Variants in USP32 observed in about 807,000 individuals in gnomAD.
USP32 encodes the protein ubiquitin specific peptidase 32.
Under a neutral mutation model 204.8 loss-of-function variants are expected in USP32, and 59 were observed. The observed-to-expected ratio is 0.29, with a 90% CI of 0.23 to 0.36. USP32 has a LOEUF of 0.36. USP32 is among the 10% of genes least tolerant of loss of function. USP32 has a pLI of 1.00. For synonymous variants in USP32, 517 were observed against 678.4 expected (o/e 0.76, Z 3.70); for missense variants, 1,160 against 1,946.4 (o/e 0.60, Z 7.60).
intron 11 of USP32, among the ~76,000 whole-genome samples, chr17:60,248,810 C>T (rs1165901610): frequency 6.6e-6 from 1 of 152,152 alleles, no homozygotes; most frequent in Non-Finnish European, 1.5e-5. Context: ...CTGCTGCCAC[C>T]TCTGAGACAG....
chr17:60,210,950 A>G, intron 21 of USP32, 63 bp downstream of exon 21: 1 of 1,528,568 alleles, frequency 6.5e-7, no homozygotes, highest in Non-Finnish European at 8.8e-7. Flanking sequence ...AAAAACAAGC[A>G]GAGAAAAATG....
chr17:60,281,529 C>T (rs948432050), intron 5 of USP32, among the ~76,000 whole-genome samples: 7 of 150,510 alleles, frequency 4.7e-5, no homozygotes, highest in South Asian at 2.1e-4. Flanking sequence ...GAGTGAGACT[C>T]CGTCTCAAAA....
chr17:60,281,826 A>G (rs928294460), intron 5 of USP32, among the ~76,000 whole-genome samples: 2 of 152,172 alleles, frequency 1.3e-5, no homozygotes, highest in African/African-American at 4.8e-5. Flanking sequence ...ATCACCCTGG[A>G]GGTCTGTAAA....
At chr17:60,362,767 T>A (rs546673372) in intron 1 of USP32, among the ~76,000 whole-genome samples, 3 of 152,246 alleles carry the variant, frequency 2.0e-5, no homozygotes, top group African/African-American at 4.8e-5. Context: ...TCTGAAGCTA[T>A]CAAAAATGTG....
chr17:60,191,842 T>C (rs1357257097), intron 28 of USP32, among the ~76,000 whole-genome samples: 1 of 152,106 alleles, frequency 6.6e-6, no homozygotes, highest in Non-Finnish European at 1.5e-5. Flanking sequence ...GCTAAGTCTA[T>C]TGCAGTTCTC....
chr17:60,398,459 G>A (rs924023282), intron 1 of USP32, among the ~76,000 whole-genome samples: 37 of 152,068 alleles, frequency 2.4e-4, no homozygotes, highest in African/African-American at 8.7e-4. Context: ...TGTTCTGGCC[G>A]GAGGGAAGCA....
Position 60,292,829 on chromosome 17 carries a change from C to A in USP32, c.411+1854G>T, listed in dbSNP as rs555922743. 1.6e-4 allele frequency among the ~76,000 whole-genome samples: 25 copies of A among 151,878 alleles called. 1 individual carries two copies. The East Asian group carries it at 4.8e-3, about 29-fold the overall frequency. ...TTGTTACTCCTCTACTCAAAACCTT[C>A]CAGTGGTTTCTATCTCACTCAGGGT... On this transcript the variant is annotated intron_variant, in intron 4 of 33. Coordinates refer to ENST00000300896, the MANE Select transcript of USP32 (RefSeq NM_032582.4).
At chr17:60,339,060 C>T (rs2088592777) in intron 2 of USP32, among the ~76,000 whole-genome samples, 1 of 151,734 alleles carries the variant, frequency 6.6e-6, no homozygotes, top group Admixed American at 6.6e-5. Context: ...CAGGAGCCCG[C>T]CACCACGCCC....
rs988475398 is a variant in USP32, at chr17:60,284,267, G to A, written c.571+4256C>T. Among the ~76,000 whole-genome samples, 194 of 148,602 alleles carry A rather than the reference G, an allele frequency of 1.3e-3. 1 individual carries two copies. Among genetic ancestry groups the A allele is most frequent in the African/African-American group, 4.5e-3 (182 of 40,212 alleles). Reference sequence around the variant, plus strand: ...CTCGCCCTGTCGCCCAGGCTGGAGTGTAGTGGCATGATCTTGGCTCACTGC... The same window carrying A: ...CTCGCCCTGTCGCCCAGGCTGGAGTATAGTGGCATGATCTTGGCTCACTGC... On this transcript the variant is annotated intron_variant, in intron 5 of 33. Transcript: ENST00000300896.
intron 12 of USP32, among the ~76,000 whole-genome samples, chr17:60,233,501 T>C (rs2085630693): frequency 1.3e-5 from 2 of 152,124 alleles, no homozygotes. Context: ...TTAACATGCA[T>C]CAAACTCATT....
chr17:60,370,694 C>A (rs1002056428), intron 1 of USP32, among the ~76,000 whole-genome samples: 1 of 145,842 alleles, frequency 6.9e-6, no homozygotes, highest in African/African-American at 2.6e-5. Context: ...CCCGAGAGGT[C>A]GAGGCTACAG....
intron 10 of USP32, among the ~76,000 whole-genome samples, chr17:60,253,314 G>C (rs1182316659): frequency 6.6e-6 from 1 of 151,864 alleles, no homozygotes; most frequent in Non-Finnish European, 1.5e-5. Flanking sequence ...ACTGTCAACT[G>C]TACATGAGCA....
At chr17:60,357,692 G>A (rs2089115949) in intron 1 of USP32, among the ~76,000 whole-genome samples, 1 of 152,074 alleles carries the variant, frequency 6.6e-6, no homozygotes, top group Admixed American at 6.6e-5. Flanking sequence ...TTCTCAGGCT[G>A]AAGCTGAATT....
At chr17:60,281,545 A>C (rs1044060683) in intron 5 of USP32, among the ~76,000 whole-genome samples, 2 of 152,186 alleles carry the variant, frequency 1.3e-5, no homozygotes, top group Non-Finnish European at 2.9e-5. Flanking sequence ...CAAAAAAAAA[A>C]AAAAATGCTG....
chr17:60,189,599 G>A (rs1453280456), intron 29 of USP32, among the ~76,000 whole-genome samples: 1 of 152,156 alleles, frequency 6.6e-6, no homozygotes, highest in Non-Finnish European at 1.5e-5. Flanking sequence ...TTTTAGGTAT[G>A]GAGTTAAAAT....
At chr17:60,377,239 C>A (rs57364492) in intron 1 of USP32, among the ~76,000 whole-genome samples, 25,317 of 152,136 alleles carry the variant, frequency 0.17, 4,800 homozygotes, top group African/African-American at 0.46. Flanking sequence ...GCAGGAGGAT[C>A]TCTTGAGGCC....
In USP32 at chr17:60,177,965, C is replaced by T. The variant is rs373143266; in HGVS notation, c.*1290G>A. 2.6e-5 allele frequency among the ~76,000 whole-genome samples: 4 copies of T among 151,606 alleles called. No individual in the cohort carries two copies. Among genetic ancestry groups the T allele is most frequent in the East Asian group, 1.9e-4 (1 of 5,178 alleles). On this transcript the variant is annotated 3_prime_UTR_variant, in exon 34 of 34. Coordinates refer to ENST00000300896, the MANE Select transcript of USP32 (RefSeq NM_032582.4). ...TTCAAGTATATATTAAAAAACTACACGAAAAAAATGCTACCTGAAATAAAT... is the reference window on the plus strand; with the variant it reads ...TTCAAGTATATATTAAAAAACTACATGAAAAAAATGCTACCTGAAATAAAT...
chr17:60,185,832 TG>T, intron 29 of USP32, 181 bp from the exon 30 acceptor site: 1 of 639,700 alleles, frequency 1.6e-6, no homozygotes, highest in East Asian at 2.9e-5. Flanking sequence ...GAGGCCGAGG[TG>T]GGGTAATTGC....
At chr17:60,411,872 T>A (rs1317140913) in intron 1 of USP32, among the ~76,000 whole-genome samples, 1 of 152,240 alleles carries the variant, frequency 6.6e-6, no homozygotes, top group Non-Finnish European at 1.5e-5. Context: ...CACATTTTTT[T>A]ATCCATTCAT....
Sources: gnomAD v4.1 joint callset for allele counts (sites outside exome capture counted in the v4.1 genomes callset) on GRCh38, gnomAD v4.1.1 for gene constraint, MANE v1.5 for transcripts, NCBI Gene and HGNC (gene_info 2026-07-23, HGNC 2026-07-21) for gene names.